Variants in MPP4 observed in about 807,000 individuals in gnomAD.
The protein encoded by MPP4 is MAGUK p55 subfamily member 4.
In MPP4, 91 loss-of-function variants were observed where a neutral mutation model predicts 98.3. The observed-to-expected ratio is 0.93, with a 90% CI of 0.78 to 1.10. The LOEUF is 1.10. MPP4 is among the 50% of genes least tolerant of loss of function. MPP4 has a pLI of 0.00. For synonymous variants in MPP4, 261 were observed against 271.8 expected (o/e 0.96, Z 0.39); for missense variants, 744 against 792.9 (o/e 0.94, Z 0.74).
intron 21 of MPP4, 129 bp downstream of exon 21, chr2:201,647,562 C>T (rs1687598300): frequency 1.1e-6 from 1 of 880,698 alleles, no homozygotes. Flanking sequence ...TTATTGAGGG[C>T]CTTTTGGAGA....
intron 18 of MPP4, among the ~76,000 whole-genome samples, chr2:201,654,286 A>AT (rs1220559768): frequency 2.6e-5 from 4 of 152,148 alleles, no homozygotes; most frequent in Non-Finnish European, 4.4e-5. Flanking sequence ...AGAAAACACC[A>AT]TTTTTTAAAA....
At chr2:201,667,415 A>C (rs1330916990) in intron 12 of MPP4, among the ~76,000 whole-genome samples, 1 of 152,174 alleles carries the variant, frequency 6.6e-6, no homozygotes, top group East Asian at 1.9e-4. Context: ...TCTATTCTAC[A>C]TCTATAACCA....
intron 4 of MPP4, among the ~76,000 whole-genome samples, chr2:201,689,202 G>T (rs1346779152): frequency 3.9e-5 from 6 of 152,062 alleles, no homozygotes; most frequent in Admixed American, 2.6e-4. Context: ...GTGGGTTCCT[G>T]TTGTCCTAGC....
At chr2:201,655,926 A>G (rs1407440174) in intron 17 of MPP4, among the ~76,000 whole-genome samples, 6 of 152,240 alleles carry the variant, frequency 3.9e-5, no homozygotes, top group Non-Finnish European at 8.8e-5. Flanking sequence ...CAGGCAAAAA[A>G]AAAATCTCAG....
chr2:201,668,494 CTT>C (rs945103145), intron 12 of MPP4, among the ~76,000 whole-genome samples: 1 of 151,274 alleles, frequency 6.6e-6, no homozygotes, highest in Admixed American at 6.6e-5. Context: ...CTCTCTCTCT[CTT>C]CTTTCTCTCT....
intron 16 of MPP4, among the ~76,000 whole-genome samples, chr2:201,657,590 G>GTTTTTTTT (rs929926346): frequency 0.039 from 3,476 of 89,998 alleles, 668 homozygotes; most frequent in Non-Finnish European, 0.054. Flanking sequence ...CCTGGCCCTT[G>GTTTTTTTT]TTTTTTTTTT....
intron 17 of MPP4, 82 bp downstream of exon 17, chr2:201,656,116 C>T: frequency 7.1e-7 from 1 of 1,417,960 alleles, no homozygotes; most frequent in Non-Finnish European, 9.4e-7. Context: ...TCTACTTTCA[C>T]CATTATTCCC....
chr2:201,686,051 C>T lies in MPP4; in HGVS notation c.361-1G>A, dbSNP rs1471652437. ...TCGTGTCATGGGCACTGAGCAAGGC[C>T]TGGGCACAGGGAAGGAAAAGGTGAG... is the stretch of plus-strand genomic sequence containing the variant. On this transcript the variant is annotated splice_acceptor_variant, in intron 5 of 21. Transcript: ENST00000409474. LOFTEE classifies it high-confidence loss of function. 1.2e-6 allele frequency: 2 copies of T among 1,611,122 alleles called. No homozygotes were observed. The highest frequency in any genetic ancestry group is 1.1e-5 in the South Asian group (1 of 90,950).
At chr2:201,668,691 T>C (rs1311019587) in intron 12 of MPP4, among the ~76,000 whole-genome samples, 1 of 152,194 alleles carries the variant, frequency 6.6e-6, no homozygotes, top group Non-Finnish European at 1.5e-5. Context: ...CCACTTAGTC[T>C]GTGGTATCTT....
chr2:201,670,817 A>G (rs922533408), intron 11 of MPP4, among the ~76,000 whole-genome samples: 3 of 152,262 alleles, frequency 2.0e-5, no homozygotes, highest in Non-Finnish European at 4.4e-5. Flanking sequence ...AGCAAGATCA[A>G]TGCAGAAGGC....
chr2:201,680,580 C>T (rs1688637711), intron 10 of MPP4: 1 of 419,768 alleles, frequency 2.4e-6, no homozygotes, highest in Non-Finnish European at 4.4e-6. Flanking sequence ...ACATTCAGGC[C>T]ATAGCACTTT....
At chr2:201,663,388 T>C (rs968809240) in intron 14 of MPP4, among the ~76,000 whole-genome samples, 2 of 152,210 alleles carry the variant, frequency 1.3e-5, no homozygotes, top group African/African-American at 4.8e-5. Context: ...AAGTACTGGC[T>C]AAGGTAAAAT....
intron 18 of MPP4, chr2:201,651,284 G>A: frequency 1.0e-6 from 1 of 985,324 alleles, no homozygotes; most frequent in Non-Finnish European, 1.2e-6. Context: ...GTCATCTTGG[G>A]GTCATTTTTG....
intron 10 of MPP4, among the ~76,000 whole-genome samples, chr2:201,678,304 C>T (rs921347086): frequency 6.6e-6 from 1 of 152,140 alleles, no homozygotes; most frequent in Admixed American, 6.5e-5. Context: ...CTTCAGCCCC[C>T]AAGCTCAGGT....
Position 201,649,575 on chromosome 2 carries a change from C to A in MPP4, c.1584+1G>T, listed in dbSNP as rs760462830. 1.3e-6 allele frequency: 2 copies of A among 1,594,044 alleles called. No individual in the cohort carries two copies. Among genetic ancestry groups the A allele is most frequent in the East Asian group, 2.2e-5 (1 of 44,450 alleles). Reference sequence around the variant, plus strand: ...ACATAAATATTCCACCATGGACCCACCTGAGGCTCTAGGTCCATGACACAG... The same window carrying A: ...ACATAAATATTCCACCATGGACCCAACTGAGGCTCTAGGTCCATGACACAG... On this transcript the variant is annotated splice_donor_variant, in intron 20 of 21. Coordinates refer to ENST00000409474, the MANE Select transcript of MPP4 (RefSeq NM_033066.3). LOFTEE classifies it high-confidence loss of function.
At chr2:201,670,188 A>T (rs725325) in intron 11 of MPP4, among the ~76,000 whole-genome samples, 6,600 of 152,260 alleles carry the variant, frequency 0.043, 477 homozygotes, top group African/African-American at 0.15. Flanking sequence ...AGTAAATAAC[A>T]TTTTAATAAT....
intron 1 of MPP4, among the ~76,000 whole-genome samples, chr2:201,696,269 C>T (rs567114503): frequency 1.3e-5 from 2 of 152,284 alleles, no homozygotes; most frequent in East Asian, 1.9e-4. Context: ...TTAAACAATG[C>T]GTTTTCCTGT....
chr2:201,688,780 G>T lies in MPP4; in HGVS notation c.280-1409C>A, dbSNP rs116234798. 7.4e-3 allele frequency among the ~76,000 whole-genome samples: 1,118 copies of T among 151,738 alleles called. 12 individuals are homozygous for T. Among genetic ancestry groups the T allele is most frequent in the African/African-American group, 0.026 (1,074 of 41,260 alleles). The stretch of plus-strand genomic sequence containing the variant: ...GCACCACAACGCCCAGCTAATTTTT[G>T]TTGTTGTTGTATTTTTAGTGGAGAT... On this transcript the variant is annotated intron_variant, in intron 4 of 21. Transcript: ENST00000409474.
intron 7 of MPP4, among the ~76,000 whole-genome samples, chr2:201,684,327 C>G (rs534234008): frequency 1.3e-5 from 2 of 152,038 alleles, no homozygotes; most frequent in Admixed American, 6.6e-5. Flanking sequence ...AAGAGCTATG[C>G]CTTTCTGAAA....
Sources: gnomAD v4.1 joint callset for allele counts (sites outside exome capture counted in the v4.1 genomes callset) on GRCh38, gnomAD v4.1.1 for gene constraint, MANE v1.5 for transcripts, NCBI Gene and HGNC (gene_info 2026-07-23, HGNC 2026-07-21) for gene names.